GAS2: variants seen among roughly 807,000 people sequenced by gnomAD.
GAS2 encodes the protein growth arrest specific 2, also known as growth arrest-specific protein 2.
In GAS2, 20 loss-of-function variants were observed where a neutral mutation model predicts 37.5. That is an observed-to-expected ratio of 0.53 (90% CI 0.37 to 0.77). GAS2 has a LOEUF of 0.77. GAS2 is among the 30% of genes least tolerant of loss of function. The pLI is 0.00. For missense variants in GAS2, 336 were observed against 373.4 expected (o/e 0.90, Z 0.82); for synonymous variants, 144 against 132.2 (o/e 1.09, Z -0.61).
chr11:22,774,228 A>C (rs931768146), intron 7 of GAS2, among the ~76,000 whole-genome samples: 1 of 152,150 alleles, frequency 6.6e-6, no homozygotes, highest in Non-Finnish European at 1.5e-5. Context: ...TCCTGACCTC[A>C]GGTGATCGGC....
chr11:22,635,514 G>C (rs1264686748), intron 1 of GAS2, among the ~76,000 whole-genome samples: 1 of 152,154 alleles, frequency 6.6e-6, no homozygotes, highest in East Asian at 1.9e-4. Context: ...ACTCAAAACT[G>C]CCCCAGGCCA....
At chr11:22,705,335 G>T (rs1245740458) in intron 3 of GAS2, among the ~76,000 whole-genome samples, 2 of 151,948 alleles carry the variant, frequency 1.3e-5, no homozygotes, top group Non-Finnish European at 2.9e-5. Context: ...TGTATGATTT[G>T]CTTCTCACTC....
intron 2 of GAS2, among the ~76,000 whole-genome samples, chr11:22,682,906 A>G (rs1590626246): frequency 6.9e-6 from 1 of 145,046 alleles, no homozygotes; most frequent in South Asian, 2.2e-4. Flanking sequence ...AAAAAAAAAG[A>G]GAAAATGCAG....
chr11:22,689,698 T>C (rs930675649), intron 3 of GAS2, among the ~76,000 whole-genome samples: 8 of 152,166 alleles, frequency 5.3e-5, no homozygotes, highest in Middle Eastern at 3.2e-3. Flanking sequence ...ATTTAAACAA[T>C]AATGGATTCA....
chr11:22,750,133 G>A (rs908070180), intron 6 of GAS2, among the ~76,000 whole-genome samples: 1 of 152,028 alleles, frequency 6.6e-6, no homozygotes, highest in Non-Finnish European at 1.5e-5. Context: ...CAATGCCAGA[G>A]GCATTAGAGT....
chr11:22,646,039 C>T (rs1406014760), intron 1 of GAS2, among the ~76,000 whole-genome samples: 4 of 151,920 alleles, frequency 2.6e-5, no homozygotes, highest in African/African-American at 9.7e-5. Context: ...CACGGGGTTT[C>T]TCCATGTTGG....
intron 2 of GAS2, among the ~76,000 whole-genome samples, chr11:22,683,060 GCT>G (rs1849771658): frequency 1.3e-5 from 2 of 151,942 alleles, no homozygotes; most frequent in South Asian, 4.1e-4. Flanking sequence ...AGTATTTAAA[GCT>G]ACTGATGTTT....
chr11:22,670,197 G>T (rs900922779), intron 1 of GAS2, among the ~76,000 whole-genome samples: 10 of 152,156 alleles, frequency 6.6e-5, no homozygotes. Context: ...CTGAATAGAT[G>T]TGGGGAACAA....
intron 7 of GAS2, among the ~76,000 whole-genome samples, chr11:22,807,343 A>G (rs2134681398): frequency 6.6e-6 from 1 of 152,358 alleles, no homozygotes; most frequent in Non-Finnish European, 1.5e-5. Flanking sequence ...TACTATTAGT[A>G]ATGTCCCATT....
At chr11:22,743,003 C>A (rs1427284734) in intron 5 of GAS2, among the ~76,000 whole-genome samples, 4 of 152,052 alleles carry the variant, frequency 2.6e-5, no homozygotes, top group African/African-American at 9.7e-5. Flanking sequence ...TTATGCTATT[C>A]TTTTAAGACC....
chr11:22,754,087 C>T (rs114455076), intron 6 of GAS2, among the ~76,000 whole-genome samples: 2,039 of 152,124 alleles, frequency 0.013, 50 homozygotes, highest in African/African-American at 0.047. Flanking sequence ...AGAACAAACT[C>T]AGAACACAAA....
chr11:22,703,143 T>TTCC (rs1472140219), intron 3 of GAS2, among the ~76,000 whole-genome samples: 1 of 152,242 alleles, frequency 6.6e-6, no homozygotes, highest in East Asian at 1.9e-4. Flanking sequence ...TCTACGTGAT[T>TTCC]TCCTAGCACC....
intron 7 of GAS2, among the ~76,000 whole-genome samples, chr11:22,800,021 A>G (rs1029937341): frequency 6.6e-6 from 1 of 152,092 alleles, no homozygotes. Flanking sequence ...TAAGGAGTTC[A>G]CAATATCTAT....
chr11:22,787,599 A>G (rs1855880286), intron 7 of GAS2, among the ~76,000 whole-genome samples: 1 of 152,174 alleles, frequency 6.6e-6, no homozygotes, highest in South Asian at 2.1e-4. Flanking sequence ...AAGAAAAAGA[A>G]AAAAGATCAG....
At chr11:22,648,671 A>T (rs760527945) in intron 1 of GAS2, among the ~76,000 whole-genome samples, 3 of 152,042 alleles carry the variant, frequency 2.0e-5, no homozygotes, top group Non-Finnish European at 4.4e-5. Context: ...TAGGTATTTT[A>T]TTCTCTTTGA....
intron 7 of GAS2, among the ~76,000 whole-genome samples, chr11:22,783,802 C>T (rs1046049410): frequency 2.0e-5 from 3 of 152,076 alleles, no homozygotes; most frequent in African/African-American, 7.2e-5. Flanking sequence ...GTCTTTAATC[C>T]ACCTTGGGTG....
chr11:22,701,686 G>A (rs957273585), intron 3 of GAS2, among the ~76,000 whole-genome samples: 15 of 151,986 alleles, frequency 9.9e-5, no homozygotes, highest in Non-Finnish European at 1.9e-4. Context: ...AAAATTAGCC[G>A]GGTGTGGTGG....
chr11:22,646,913 CT>C (rs1006420923), intron 1 of GAS2, among the ~76,000 whole-genome samples: 11 of 145,592 alleles, frequency 7.6e-5, no homozygotes, highest in South Asian at 4.3e-4. Context: ...TTCTTTCTTT[CT>C]TTTTTTTTAA....
chr11:22,639,598 T>G (rs770953437), intron 1 of GAS2, among the ~76,000 whole-genome samples: 1 of 152,176 alleles, frequency 6.6e-6, no homozygotes, highest in Non-Finnish European at 1.5e-5. Flanking sequence ...GATAGAAGAC[T>G]TTATGCATGT....
Sources: allele counts gnomAD v4.1 joint callset (sites outside exome capture counted in the v4.1 genomes callset), GRCh38; gene constraint gnomAD v4.1.1; transcripts MANE v1.5; gene names NCBI Gene and HGNC (gene_info 2026-07-23, HGNC 2026-07-21).